The following TENM2 variants were observed in gnomAD, a reference collection of about 807,000 sequenced individuals.
The protein encoded by TENM2 is teneurin-2.
A neutral mutation model predicts 245.2 loss-of-function variants in TENM2; 52 were observed. That is an observed-to-expected ratio of 0.21 (90% CI 0.17 to 0.27). The LOEUF is 0.27. TENM2 is among the 10% of genes least tolerant of loss of function. The pLI is 1.00. For synonymous variants in TENM2, 1,363 were observed against 1,438.9 expected, an observed-to-expected ratio of 0.95 and a Z score of 1.19; for missense variants, 3,046 against 3,666.8, an observed-to-expected ratio of 0.83 and a Z score of 4.37.
chr5:168,198,926 C>A (rs373290432), exon 16 of TENM2: 1 of 1,614,038 alleles, frequency 6.2e-7, no homozygotes, highest in Non-Finnish European at 8.5e-7. Flanking sequence ...GAGCCAGGAG[C>A]GCACTGTGTG....
chr5:167,033,388 G>A, the TENM2 span, among the ~76,000 whole-genome samples: 2 of 152,172 alleles, frequency 1.3e-5, no homozygotes, highest in African/African-American at 4.8e-5. Flanking sequence ...TTTGGCTCAA[G>A]TTCAGTTTTT....
At chr5:167,207,398 TG>T in the TENM2 span, among the ~76,000 whole-genome samples, 1,391 of 152,272 alleles carry the variant, frequency 9.1e-3, 10 homozygotes, top group Admixed American at 0.019. Context: ...TGAGATCAGA[TG>T]TTCTGATTTT....
At chr5:167,744,647 A>G (rs1049483597) in intron 2 of TENM2, among the ~76,000 whole-genome samples, 1 of 152,062 alleles carries the variant, frequency 6.6e-6, no homozygotes. Context: ...CCTTCCACCT[A>G]TTAATAGCTC....
intron 15 of TENM2, among the ~76,000 whole-genome samples, chr5:168,197,885 T>C (rs1316253056): frequency 6.6e-6 from 1 of 152,184 alleles, no homozygotes; most frequent in African/African-American, 2.4e-5. Context: ...TTAAGAACCA[T>C]TGGCAAAGAA....
chr5:168,134,562 C>G (rs902830529), intron 12 of TENM2, among the ~76,000 whole-genome samples: 1 of 152,120 alleles, frequency 6.6e-6, no homozygotes, highest in Non-Finnish European at 1.5e-5. Flanking sequence ...TGGCGAGCAC[C>G]TGTAATCCTA....
Position 167,720,396 on chromosome 5 carries a change from A to C in TENM2, c.503-155590A>C, listed in dbSNP as rs572391031. The stretch of plus-strand genomic sequence containing the variant: ...GATAGTCCAGGCAGTGATGAAACCA[A>C]CGGATGTTCCAGTACATACTTCCCT... On this transcript the variant is annotated intron_variant, in intron 2 of 28. Transcript: ENST00000518659. Among the ~76,000 whole-genome samples the C allele has an allele frequency of 2.1e-3, 313 of 152,356 alleles. 2 individuals are homozygous for C. The highest frequency in any genetic ancestry group is 7.2e-3 in the African/African-American group (298 of 41,596).
chr5:167,293,351 G>A (rs956645621), intron 1 of TENM2, among the ~76,000 whole-genome samples: 6 of 150,532 alleles, frequency 4.0e-5, no homozygotes, highest in African/African-American at 7.4e-5. Flanking sequence ...ACAGGGATGC[G>A]TCACCATGTC....
intron 1 of TENM2, among the ~76,000 whole-genome samples, chr5:167,322,135 G>T (rs1756789987): frequency 6.6e-6 from 1 of 151,764 alleles, no homozygotes; most frequent in African/African-American, 2.4e-5. Context: ...CCCGGCTGCT[G>T]CATTGGCTTT....
intron 13 of TENM2, 57 bp downstream of exon 15, chr5:168,162,814 T>C (rs1757870558): frequency 6.3e-7 from 1 of 1,581,762 alleles, no homozygotes; most frequent in Non-Finnish European, 8.6e-7. Context: ...TCCATGCTTT[T>C]GTCATAAGTC....
the TENM2 span, among the ~76,000 whole-genome samples, chr5:167,066,639 A>G: frequency 1.4e-5 from 2 of 147,416 alleles, no homozygotes; most frequent in Non-Finnish European, 3.0e-5. Flanking sequence ...ATATGTCCTT[A>G]TATATTTCAT....
At chr5:167,338,269 AT>A (rs1371999611) in intron 1 of TENM2, among the ~76,000 whole-genome samples, 15 of 152,214 alleles carry the variant, frequency 9.9e-5, no homozygotes, top group Admixed American at 9.8e-4. Context: ...TCCTATATTT[AT>A]TTATTTCCCC....
At chr5:168,190,314 T>C (rs751844956) in intron 13 of TENM2, 23 bp from the exon 16 acceptor site, 18 of 1,599,350 alleles carry the variant, frequency 1.1e-5, no homozygotes, top group Admixed American at 1.7e-5. Context: ...CTGCTGACTC[T>C]GGCTCTGCCT....
At chr5:167,225,482 G>A in the TENM2 span, among the ~76,000 whole-genome samples, 1 of 152,020 alleles carries the variant, frequency 6.6e-6, no homozygotes, top group Admixed American at 6.6e-5. Flanking sequence ...ATTTGCATAT[G>A]TTAGACCATC....
chr5:167,445,322 T>TAGAGAGAGAGAGAG, intron 2 of TENM2, among the ~76,000 whole-genome samples: 1 of 39,914 alleles, frequency 2.5e-5, no homozygotes, highest in Non-Finnish European at 4.3e-5. Context: ...TATATATATA[T>TAGAGAGAGAGAGAG]ATATATATAT....
the TENM2 span, among the ~76,000 whole-genome samples, chr5:167,109,378 G>T: frequency 6.6e-6 from 1 of 151,228 alleles, no homozygotes; most frequent in South Asian, 2.1e-4. Context: ...TGAAACTATT[G>T]CTTGTTTCTC....
intron 2 of TENM2, among the ~76,000 whole-genome samples, chr5:167,615,173 A>G (rs1330067401): frequency 6.6e-6 from 1 of 152,114 alleles, no homozygotes; most frequent in African/African-American, 2.4e-5. Flanking sequence ...TTATTATAAC[A>G]ATATTTCTAT....
chr5:168,227,787 C>CAA (rs1764356549), intron 24 of TENM2, 108 bp from the exon 27 acceptor site: 1 of 704,332 alleles, frequency 1.4e-6, no homozygotes, highest in Non-Finnish European at 2.3e-6. Context: ...CTAATGGCTG[C>CAA]AAAGTACCAT....
intron 2 of TENM2, among the ~76,000 whole-genome samples, chr5:167,531,194 G>T (rs985581043): frequency 7.9e-5 from 12 of 152,128 alleles, no homozygotes; most frequent in Non-Finnish European, 1.8e-4. Context: ...TCTGCGGATT[G>T]TTGTTTCTGT....
chr5:167,024,035 G>A, the TENM2 span, among the ~76,000 whole-genome samples: 15 of 152,110 alleles, frequency 9.9e-5, 1 homozygote, highest in African/African-American at 3.6e-4. Context: ...AAATTCATAA[G>A]TCTGGCATTT....
Sources: allele counts gnomAD v4.1 joint callset (sites outside exome capture counted in the v4.1 genomes callset), GRCh38; gene constraint gnomAD v4.1.1; transcripts MANE v1.5; gene names NCBI Gene and HGNC (gene_info 2026-07-23, HGNC 2026-07-21).